PLAC1: variants seen among roughly 807,000 people sequenced by gnomAD.
PLAC1 encodes placenta associated 1, also known as placenta-specific protein 1.
For synonymous variants in PLAC1, 68 were observed against 62.1 expected (o/e 1.09, Z -0.44); for missense variants, 136 against 163.2 (o/e 0.83, Z 0.91).
chrX:134,575,540 C>T (rs994183598), intron 2 of PLAC1, among the ~76,000 whole-genome samples: 12 of 108,900 alleles, frequency 1.1e-4, no homozygotes, highest in Non-Finnish European at 1.7e-4. Flanking sequence ...GAGGCCAAGG[C>T]GGGTAGATCA....
chrX:134,583,370 G>A (rs1323081295), intron 2 of PLAC1, among the ~76,000 whole-genome samples: 2 of 102,513 alleles, frequency 2.0e-5, no homozygotes, highest in East Asian at 6.1e-4. Context: ...GATCACAGGC[G>A]TGAGCCACTA....
intron 2 of PLAC1, among the ~76,000 whole-genome samples, chrX:134,589,560 T>C (rs181446886): frequency 2.1e-4 from 23 of 108,541 alleles, no homozygotes; most frequent in Admixed American, 2.0e-3. Flanking sequence ...AACCCCATCT[T>C]TACTAAAAAT....
intron 1 of PLAC1, among the ~76,000 whole-genome samples, chrX:134,743,723 A>G (rs1342806682): frequency 9.0e-6 from 1 of 111,642 alleles, no homozygotes; most frequent in Non-Finnish European, 1.9e-5. Context: ...CTCCGAAACA[A>G]GAAAAACTCT....
At chrX:134,733,847 G>A (rs1296423490) in intron 1 of PLAC1, among the ~76,000 whole-genome samples, 1 of 110,883 alleles carries the variant, frequency 9.0e-6, no homozygotes, top group African/African-American at 3.3e-5. Context: ...GTCAGATACT[G>A]CAGGCTGTTG....
chrX:134,654,597 C>T (rs2078379889), intron 1 of PLAC1, among the ~76,000 whole-genome samples: 1 of 111,877 alleles, frequency 8.9e-6, no homozygotes, highest in African/African-American at 3.2e-5. Context: ...TAGCCCAGGC[C>T]CCTCATGCAC....
At chrX:134,570,985 A>C (rs1179507782) in intron 2 of PLAC1, among the ~76,000 whole-genome samples, 1 of 112,312 alleles carries the variant, frequency 8.9e-6, no homozygotes, top group East Asian at 2.8e-4. Flanking sequence ...TTAAGTTCAG[A>C]AAAATGCCAG....
In PLAC1 at chrX:134,566,282, C is replaced by A; in HGVS notation, c.401G>T (p.Ser134Ile). 1 of 1,211,919 alleles carries A rather than the reference C, an allele frequency of 8.3e-7. No individual in the cohort carries two copies. Among genetic ancestry groups the A allele is most frequent in the Non-Finnish European group, 1.1e-6 (1 of 895,470 alleles). Residue 134 changes from serine (S) to isoleucine (I), a missense_variant, in exon 3 of 3, where the codon AGC becomes ATC. By Grantham distance (142) the Ser-to-Ile change is moderately radical. Transcript: ENST00000359237. Reference protein sequence around the residue: ...LTKPCSMRVASKSRATAQKDE... With the variant: ...LTKPCSMRVAIKSRATAQKDE... Reference sequence around the variant, plus strand: ...CTTCTGGGCTGTGGCCCTGCTCTTGCTGGCTACTCTCATGGAGCAGGGCTT... The same window carrying A: ...CTTCTGGGCTGTGGCCCTGCTCTTGATGGCTACTCTCATGGAGCAGGGCTT...
At chrX:134,734,917 G>A (rs767064479) in intron 1 of PLAC1, among the ~76,000 whole-genome samples, 19 of 110,491 alleles carry the variant, frequency 1.7e-4, no homozygotes, top group Admixed American at 4.8e-4. Context: ...ATGGAGCCTC[G>A]AAAATAGCCA....
Position 134,577,241 on chromosome X carries a change from C to T in PLAC1, c.-58-10501G>A, listed in dbSNP as rs771665822. Among the ~76,000 whole-genome samples the T allele has an allele frequency of 5.5e-4, 62 of 112,049 alleles. No individual in the cohort carries two copies. The South Asian group carries it at 8.9e-3, about 16-fold the overall frequency. ...GAATTGCAGTGTAATATCAGGGAGACGTTCCCAACTATAAAAGTTGTCCAA... is the reference window on the plus strand; with the variant it reads ...GAATTGCAGTGTAATATCAGGGAGATGTTCCCAACTATAAAAGTTGTCCAA... On this transcript the variant is annotated intron_variant, in intron 2 of 2. Transcript: ENST00000359237.
intron 2 of PLAC1, among the ~76,000 whole-genome samples, chrX:134,686,256 G>A (rs1165668880): frequency 4.5e-5 from 5 of 111,362 alleles, no homozygotes; most frequent in African/African-American, 9.8e-5. Context: ...GAAGAGATGC[G>A]TTTGGAATTC....
intron 1 of PLAC1, among the ~76,000 whole-genome samples, chrX:134,627,273 T>C (rs1316686768): frequency 8.9e-6 from 1 of 112,035 alleles, no homozygotes; most frequent in African/African-American, 3.2e-5. Context: ...TTGATTACAC[T>C]TTTGAATGAT....
At chrX:134,597,350 T>C (rs2078066750) in intron 2 of PLAC1, among the ~76,000 whole-genome samples, 1 of 112,415 alleles carries the variant, frequency 8.9e-6, no homozygotes, top group Admixed American at 9.5e-5. Context: ...TATGTATTCT[T>C]ATTTGCTTAC....
intron 2 of PLAC1, among the ~76,000 whole-genome samples, chrX:134,712,615 G>A (rs2078631343): frequency 9.0e-6 from 1 of 111,385 alleles, no homozygotes; most frequent in Non-Finnish European, 1.9e-5. Flanking sequence ...TGATAAACAA[G>A]CAGTAGCTCT....
At chrX:134,578,515 CTTTT>C (rs766626696) in intron 2 of PLAC1, among the ~76,000 whole-genome samples, 23 of 55,974 alleles carry the variant, frequency 4.1e-4, no homozygotes, top group Non-Finnish European at 3.9e-4. Flanking sequence ...TTCTTTCTTT[CTTTT>C]TTTTTTTTTT....
chrX:134,613,515 T>C (rs2078164218), intron 1 of PLAC1, among the ~76,000 whole-genome samples: 1 of 111,104 alleles, frequency 9.0e-6, no homozygotes, highest in African/African-American at 3.3e-5. Flanking sequence ...ACTCCTTTGG[T>C]GAAGAACCAT....
chrX:134,620,729 G>A (rs1362924555), intron 1 of PLAC1, among the ~76,000 whole-genome samples: 3 of 111,887 alleles, frequency 2.7e-5, no homozygotes. Context: ...TACAGATAAT[G>A]TATTAAGCGT....
At chrX:134,705,836 G>A (rs758334341) in intron 2 of PLAC1, among the ~76,000 whole-genome samples, 2 of 111,913 alleles carry the variant, frequency 1.8e-5, no homozygotes, top group South Asian at 7.5e-4. Flanking sequence ...TCAGTTTCAA[G>A]ACAAGATGAA....
In PLAC1 at chrX:134,755,474, T is replaced by C. The variant is rs1319068544; in HGVS notation, n.89+8760A>G. Among the ~76,000 whole-genome samples the C allele has an allele frequency of 3.6e-5, 4 of 111,967 alleles. No individual in the cohort carries two copies. In the Admixed American group the frequency reaches 3.8e-4, roughly 11 times the overall value. ...GACAGACATTAAACAATCACTGTAATTACAAGTCAGATAAGTGCCATAAAA... is the reference window on the plus strand; with the variant it reads ...GACAGACATTAAACAATCACTGTAACTACAAGTCAGATAAGTGCCATAAAA... On this transcript the variant is annotated intron_variant and non_coding_transcript_variant, in intron 1 of 2. Coordinates refer to the PLAC1 transcript ENST00000466797.
intron 2 of PLAC1, among the ~76,000 whole-genome samples, chrX:134,570,810 A>G (rs1202443310): frequency 9.0e-6 from 1 of 111,682 alleles, no homozygotes; most frequent in Non-Finnish European, 1.9e-5. Context: ...ATGCATATAC[A>G]TTTCCCACTA....
Sources: allele counts gnomAD v4.1 joint callset (sites outside exome capture counted in the v4.1 genomes callset), GRCh38; gene constraint gnomAD v4.1.1; transcripts MANE v1.5; gene names NCBI Gene and HGNC (gene_info 2026-07-23, HGNC 2026-07-21).